Variants in GRM7 observed in about 807,000 individuals in gnomAD.
GRM7 encodes the protein metabotropic glutamate receptor 7.
GRM7 carries 35 observed loss-of-function variants against 84.5 expected under a neutral mutation model. The observed-to-expected ratio is 0.41, with a 90% confidence interval of 0.32 to 0.55. The LOEUF is 0.55. GRM7 is among the 20% of genes least tolerant of loss of function. The pLI is 0.19. For missense variants in GRM7, 1,003 were observed against 1,194.6 expected (o/e 0.84, Z 2.36); for synonymous variants, 487 against 455.1 (o/e 1.07, Z -0.89).
intron 9 of GRM7, among the ~76,000 whole-genome samples, chr3:7,692,977 C>CTT (rs376324014): frequency 7.0e-6 from 1 of 143,548 alleles, no homozygotes; most frequent in Non-Finnish European, 1.5e-5. Flanking sequence ...TTCTTTCTTT[C>CTT]TTTTTTTTTT....
rs1262211507 is a variant in GRM7 at position 6,862,693 on chromosome 3, C to G, written c.519+786C>G. On this transcript the variant is annotated intron_variant, in intron 1 of 9. Transcript: ENST00000357716. The surrounding 1 kb of genome is among the most constrained non-coding windows in gnomAD (Gnocchi z 5.2). Reference sequence around the variant, plus strand: ...AGCCCAGGGATGAGCTCACGCGAAACGAAATCGCTCTCCCTGCCTCCTCCC... The same window carrying G: ...AGCCCAGGGATGAGCTCACGCGAAAGGAAATCGCTCTCCCTGCCTCCTCCC... 1 of 224,304 alleles carries G rather than the reference C, an allele frequency of 4.5e-6. No homozygotes were observed. The allele number at this position is 224,304 out of a possible 1,614,324, so 13.9% of individuals were successfully genotyped here.
chr3:7,596,457 C>T (rs928088555), intron 8 of GRM7, among the ~76,000 whole-genome samples: 6 of 151,836 alleles, frequency 4.0e-5, no homozygotes, highest in African/African-American at 1.2e-4. Context: ...AATTGTAGAT[C>T]GAAAAGTAAG....
At chr3:7,385,267 G>A (rs1575255990) in intron 4 of GRM7, among the ~76,000 whole-genome samples, 1 of 104,184 alleles carries the variant, frequency 9.6e-6, no homozygotes, top group East Asian at 3.0e-4. Context: ...GCACTTATTT[G>A]TGGAATCTTA....
chr3:7,398,723 T>A (rs1322407221), intron 4 of GRM7, among the ~76,000 whole-genome samples: 2 of 152,092 alleles, frequency 1.3e-5, no homozygotes, highest in Non-Finnish European at 2.9e-5. Flanking sequence ...GTATTTGATT[T>A]GTTCAAAAAT....
chr3:7,348,741 G>A (rs1407596742), intron 4 of GRM7, among the ~76,000 whole-genome samples: 1 of 152,112 alleles, frequency 6.6e-6, no homozygotes, highest in East Asian at 1.9e-4. Flanking sequence ...CTACATCTCA[G>A]ATCTACTGAA....
intron 2 of GRM7, among the ~76,000 whole-genome samples, chr3:7,282,089 AC>A (rs1699271844): frequency 6.6e-6 from 1 of 152,136 alleles, no homozygotes; most frequent in Non-Finnish European, 1.5e-5. Context: ...TCTCTACGAA[AC>A]AAACAAAAAA....
intron 8 of GRM7, among the ~76,000 whole-genome samples, chr3:7,649,465 C>CA (rs1344423685): frequency 6.6e-6 from 1 of 152,102 alleles, no homozygotes; most frequent in Non-Finnish European, 1.5e-5. Flanking sequence ...ATGAAGGTTT[C>CA]AAAAAATATT....
rs1695854241 is a variant in GRM7 at position 6,889,693 on chromosome 3, C to CT, written c.519+27792dup. On this transcript the variant is annotated intron_variant, in intron 1 of 9. Coordinates refer to ENST00000357716, the MANE Select transcript of GRM7 (RefSeq NM_000844.4). ...ATCAAGGATATTGGTCTAAAATTCT[C>CT]TTTTTTGGTTGTGTCTCTGCCTGGC... 2.6e-5 allele frequency among the ~76,000 whole-genome samples: 4 copies of CT among 152,110 alleles called. No individual in the cohort carries two copies. In the South Asian group the frequency reaches 8.3e-4, roughly 32 times the overall value.
rs554721289 is a variant in GRM7, at chr3:6,993,696, A to G, written c.519+131789A>G. ...AGGAGCATATTGCAGCATTCAAGCTAAGCAACTATGTTGGTCTGAAAAGGA... is the reference window on the plus strand; with the variant it reads ...AGGAGCATATTGCAGCATTCAAGCTGAGCAACTATGTTGGTCTGAAAAGGA... On this transcript the variant is annotated intron_variant, in intron 1 of 9. Transcript: ENST00000357716. Among the ~76,000 whole-genome samples the G allele has an allele frequency of 1.1e-4, 17 of 152,330 alleles. No individual in the cohort carries two copies. In the South Asian group the frequency reaches 3.1e-3, roughly 28 times the overall value.
At chr3:7,416,098 G>A (rs1696147152) in intron 5 of GRM7, among the ~76,000 whole-genome samples, 1 of 152,092 alleles carries the variant, frequency 6.6e-6, no homozygotes, top group African/African-American at 2.4e-5. Flanking sequence ...GAGTTTTTGT[G>A]TTTCTGAGGT....
intron 1 of GRM7, among the ~76,000 whole-genome samples, chr3:7,119,366 C>T (rs781268084): frequency 4.0e-5 from 6 of 151,870 alleles, no homozygotes; most frequent in Admixed American, 2.0e-4. Flanking sequence ...AAATTGTATA[C>T]GTGCTGGGTA....
chr3:7,294,127 T>C (rs1293736164), intron 2 of GRM7, among the ~76,000 whole-genome samples: 1 of 152,162 alleles, frequency 6.6e-6, no homozygotes, highest in African/African-American at 2.4e-5. Flanking sequence ...GCGTCTCAAT[T>C]CTGCAGTCAT....
chr3:7,598,314 A>G (rs776234477), intron 8 of GRM7, among the ~76,000 whole-genome samples: 19 of 152,180 alleles, frequency 1.2e-4, no homozygotes, highest in Non-Finnish European at 2.2e-4. Flanking sequence ...GAGCAGGGGA[A>G]CAGTTAGAGA....
intron 8 of GRM7, chr3:7,606,859 T>G (rs1488119496): frequency 2.0e-5 from 3 of 152,146 alleles, no homozygotes; most frequent in East Asian, 1.9e-4. Context: ...ATCAAGGACA[T>G]AATGATGTCA....
At chr3:7,249,416 G>C (rs1229633965) in intron 2 of GRM7, among the ~76,000 whole-genome samples, 2 of 152,152 alleles carry the variant, frequency 1.3e-5, no homozygotes, top group Non-Finnish European at 2.9e-5. Context: ...TAAGAAGGAA[G>C]AGTTGAAGAT....
intron 9 of GRM7, among the ~76,000 whole-genome samples, chr3:7,722,514 C>T (rs1701986012): frequency 6.7e-6 from 1 of 149,512 alleles, no homozygotes; most frequent in Admixed American, 6.7e-5. Flanking sequence ...GCGATCTCAG[C>T]TCACTGCAAT....
chr3:7,156,054 A>C (rs1694438195), intron 2 of GRM7, among the ~76,000 whole-genome samples: 1 of 152,194 alleles, frequency 6.6e-6, no homozygotes, highest in Admixed American at 6.5e-5. Flanking sequence ...GCAATCCTCA[A>C]GTATCATTAC....
intron 1 of GRM7, among the ~76,000 whole-genome samples, chr3:6,920,880 G>T (rs1028508006): frequency 1.3e-5 from 2 of 152,050 alleles, no homozygotes; most frequent in African/African-American, 4.8e-5. Context: ...TCTTGGAATT[G>T]TATGTTTCCA....
chr3:6,861,733 G>A lies in GRM7; in HGVS notation c.345G>A (p.Ala115=). Residue 115 remains alanine (A), a synonymous_variant, in exon 1 of 10, where the codon GCG becomes GCA. Transcript: ENST00000357716. The surrounding 1 kb of genome is among the most constrained non-coding windows in gnomAD (Gnocchi z 6.4). ...ILDTCSRDTY[A]LEQSLTFVQA... is the part of the protein sequence containing the mutation. Reference sequence around the variant, plus strand: ...ACACTTGTTCCAGGGACACTTACGCGCTCGAACAGTCGCTTACTTTCGTCC... The same window carrying A: ...ACACTTGTTCCAGGGACACTTACGCACTCGAACAGTCGCTTACTTTCGTCC... 3.1e-6 allele frequency: 5 copies of A among 1,614,214 alleles called. No individual in the cohort carries two copies. Among genetic ancestry groups the A allele is most frequent in the Non-Finnish European group, 4.2e-6 (5 of 1,180,044 alleles).
Sources: gnomAD v4.1 joint callset for allele counts (sites outside exome capture counted in the v4.1 genomes callset) on GRCh38, gnomAD v4.1.1 for gene constraint, Gnocchi (gnomAD v3.1) non-coding constraint, MANE v1.5 for transcripts, NCBI Gene and HGNC (gene_info 2026-07-23, HGNC 2026-07-21) for gene names.